Variants in YTHDF3 observed in about 807,000 individuals in gnomAD.
YTHDF3 encodes the protein YTH domain-containing family protein 3.
Under a neutral mutation model 52.5 loss-of-function variants are expected in YTHDF3, and 9 were observed. The ratio of observed to expected loss-of-function variants is 0.17; its 90% CI spans 0.10 to 0.30. YTHDF3 has a LOEUF of 0.30. Among genes scored for constraint, YTHDF3 ranks in the 10% least tolerant of loss-of-function variants. The pLI is 1.00. For missense variants in YTHDF3, 534 were observed against 715.0 expected, an observed-to-expected ratio of 0.75 and a Z score of 2.89; for synonymous variants, 274 against 243.3, an observed-to-expected ratio of 1.13 and a Z score of -1.18.
At chr8:63,184,844 C>T (rs761325928) in intron 3 of YTHDF3, among the ~76,000 whole-genome samples, 14 of 152,118 alleles carry the variant, frequency 9.2e-5, no homozygotes, top group Admixed American at 1.3e-4. Flanking sequence ...AAGCTCTGTG[C>T]GGTGCTTTAA....
At chr8:63,192,075 C>T (rs913326081) in intron 4 of YTHDF3, among the ~76,000 whole-genome samples, 1 of 152,186 alleles carries the variant, frequency 6.6e-6, no homozygotes, top group Non-Finnish European at 1.5e-5. Flanking sequence ...TGTAACCACC[C>T]TATCAGTTAG....
intron 2 of YTHDF3, among the ~76,000 whole-genome samples, chr8:63,171,704 A>G (rs904725327): frequency 1.3e-5 from 2 of 152,146 alleles, no homozygotes; most frequent in African/African-American, 2.4e-5. Flanking sequence ...TACTTTCATG[A>G]AGTTATTTTT....
Position 63,210,856 on chromosome 8 carries a change from T to C in YTHDF3, c.*1150T>C, listed in dbSNP as rs756932072. On this transcript the variant is annotated 3_prime_UTR_variant, in exon 5 of 5. Transcript: ENST00000539294. ...TCTTATTTTTTTCATTAATTACATA[T>C]CAACATTAATTTTGTATCTTGAAGC... The C allele has an allele frequency of 6.6e-6, 1 of 152,594 alleles. No individual in the cohort carries two copies. The highest frequency in any genetic ancestry group is 1.5e-5 in the Non-Finnish European group (1 of 67,976). 9.5% of individuals were successfully genotyped at this position (152,594 alleles called of 1,614,324 possible). A position where few individuals can be genotyped will look rare whatever the true frequency, so the allele number is the denominator to read the frequency against.
chr8:63,182,971 C>G (rs201691692), intron 3 of YTHDF3, among the ~76,000 whole-genome samples: 25 of 94,286 alleles, frequency 2.7e-4, no homozygotes, highest in Middle Eastern at 7.1e-3. Flanking sequence ...TTTTTTTTTT[C>G]TTTTTTGAGA....
At chr8:63,173,202 T>TTTTA (rs1554533374) in intron 2 of YTHDF3, among the ~76,000 whole-genome samples, 2 of 125,882 alleles carry the variant, frequency 1.6e-5, no homozygotes, top group African/African-American at 8.1e-5. Flanking sequence ...AGGATTATAT[T>TTTTA]TATATATATA....
intron 4 of YTHDF3, among the ~76,000 whole-genome samples, chr8:63,199,229 T>C (rs1198483090): frequency 6.6e-6 from 1 of 152,220 alleles, no homozygotes; most frequent in East Asian, 1.9e-4. Context: ...ACTTCTTCCA[T>C]ACTATAATTG....
intron 4 of YTHDF3, among the ~76,000 whole-genome samples, chr8:63,196,534 C>T (rs1809251302): frequency 6.6e-6 from 1 of 150,846 alleles, no homozygotes; most frequent in African/African-American, 2.4e-5. Flanking sequence ...TGCACTCCAT[C>T]CTGGGCGACA....
At chr8:63,205,060 TC>T (rs1295525515) in intron 4 of YTHDF3, among the ~76,000 whole-genome samples, 7 of 152,122 alleles carry the variant, frequency 4.6e-5, no homozygotes, top group Admixed American at 3.9e-4. Context: ...GCAGTAAACT[TC>T]CTTCTGGGCT....
chr8:63,180,741 G>A (rs1270126392), intron 3 of YTHDF3, among the ~76,000 whole-genome samples: 1 of 152,262 alleles, frequency 6.6e-6, no homozygotes, highest in Non-Finnish European at 1.5e-5. Flanking sequence ...GGAGGCCGAG[G>A]CTGGCGGATC....
chr8:63,188,323 A>G (rs1808663750), intron 4 of YTHDF3, among the ~76,000 whole-genome samples: 1 of 151,324 alleles, frequency 6.6e-6, no homozygotes, highest in African/African-American at 2.4e-5. Flanking sequence ...ATTTATTTAT[A>G]TTTTATATAT....
Position 63,209,667 on chromosome 8 carries a change from G to GTGT in YTHDF3, c.1735-15_1735-14insGTT. ...ATTGTAATTCTTTTTGTGTGTGTGTGTTTTTTTTTTTTCAGGAGAGAAATA... is the reference window on the plus strand; with the variant it reads ...ATTGTAATTCTTTTTGTGTGTGTGTGTGTTTTTTTTTTTTTCAGGAGAGAAATA... On this transcript the variant is annotated splice_polypyrimidine_tract_variant and intron_variant, in intron 4 of 4. Transcript: ENST00000539294. 4.8e-6 allele frequency: 6 copies of GTGT among 1,249,770 alleles called. No individual in the cohort carries two copies. Among genetic ancestry groups the GTGT allele is most frequent in the South Asian group, 2.9e-5 (2 of 68,010 alleles). 77.4% of individuals were successfully genotyped at this position (1,249,770 alleles called of 1,614,324 possible).
chr8:63,185,657 TA>T (rs1273038747), intron 3 of YTHDF3, among the ~76,000 whole-genome samples: 1 of 152,228 alleles, frequency 6.6e-6, no homozygotes, highest in Non-Finnish European at 1.5e-5. Flanking sequence ...GTACAAAATC[TA>T]ATGGTTGAAC....
At chr8:63,182,228 T>C (rs1042608189) in intron 3 of YTHDF3, among the ~76,000 whole-genome samples, 12 of 146,646 alleles carry the variant, frequency 8.2e-5, no homozygotes, top group African/African-American at 3.0e-4. Flanking sequence ...CCACCATGCC[T>C]GGCTAATTTT....
chr8:63,176,381 A>G (rs1788408790), intron 3 of YTHDF3, among the ~76,000 whole-genome samples: 1 of 152,070 alleles, frequency 6.6e-6, no homozygotes, highest in Non-Finnish European at 1.5e-5. Context: ...TCCCGGGTTC[A>G]CGCCATTCTC....
rs1810357168 is a variant in YTHDF3 at position 63,211,276 on chromosome 8, GGTAGTCCCAGT to G, written c.*1576_*1586del. On this transcript the variant is annotated 3_prime_UTR_variant, in exon 5 of 5. Transcript: ENST00000539294. ...AACCATAGCTACTACACAGTTCTTC[GGTAGTCCCAGT>G]GTAGTTATATCAGTGTTTACTGAAG... The G allele has an allele frequency of 6.6e-6, 1 of 152,168 alleles. No individual in the cohort carries two copies. The allele number at this position is 152,168 out of a possible 1,614,324, so 9.4% of individuals were successfully genotyped here.
At position 63,210,895 on chromosome 8, in the gene YTHDF3, A is replaced by G. The variant is rs1585797520; in HGVS notation, c.*1189A>G. 6.6e-6 allele frequency: 1 copy of G among 152,598 alleles called. No homozygotes were observed. The highest frequency in any genetic ancestry group is 2.4e-5 in the African/African-American group (1 of 41,462). The allele number at this position is 152,598 out of a possible 1,614,324, so 9.5% of individuals were successfully genotyped here. A position where few individuals can be genotyped will look rare whatever the true frequency, so the allele number is the denominator to read the frequency against. ...GTATCTTGAAGCAAATTGATTTTGT[A>G]TAATTAAATGTGTCAAGCATCTGTA... On this transcript the variant is annotated 3_prime_UTR_variant, in exon 5 of 5. Coordinates refer to ENST00000539294, the MANE Select transcript of YTHDF3 (RefSeq NM_152758.6).
chr8:63,200,725 T>A (rs1809573186), intron 4 of YTHDF3, among the ~76,000 whole-genome samples: 1 of 152,182 alleles, frequency 6.6e-6, no homozygotes, highest in Non-Finnish European at 1.5e-5. Flanking sequence ...ACTGAAAAAT[T>A]AGATTAAAGC....
In YTHDF3 at chr8:63,187,647, G is replaced by A; in HGVS notation, c.1636G>A (p.Val546Met). 6.2e-7 allele frequency: 1 copy of A among 1,611,174 alleles called. No homozygotes were observed. Among genetic ancestry groups the A allele is most frequent in the Non-Finnish European group, 8.5e-7 (1 of 1,178,338 alleles). ...GGTACCCCTAGAAAAAGCTAAGCAA[G>A]TGCTTAAAATAATTGCTACTTTCAA... ...QEVPLEKAKQ[V>M]LKIIATFKHT... The change falls in exon 4 of 5, where the codon GTG becomes ATG. Residue 546 changes from valine (V) to methionine (M), a missense_variant. By Grantham distance (21) the Val-to-Met change is conservative. Coordinates refer to ENST00000539294, the MANE Select transcript of YTHDF3 (RefSeq NM_152758.6).
chr8:63,191,055 G>T lies in YTHDF3; in HGVS notation c.1734+3310G>T, dbSNP rs1013385540. Reference sequence around the variant, plus strand: ...CTAGTCAACAGCCTTTTCACTTAAAGTACTATGTATAAGCCTTGCTTTACA... The same window carrying T: ...CTAGTCAACAGCCTTTTCACTTAAATTACTATGTATAAGCCTTGCTTTACA... On this transcript the variant is annotated intron_variant, in intron 4 of 4. Coordinates refer to ENST00000539294, the MANE Select transcript of YTHDF3 (RefSeq NM_152758.6). 5.3e-5 allele frequency among the ~76,000 whole-genome samples: 8 copies of T among 152,164 alleles called. No homozygotes were observed. The South Asian group carries it at 6.2e-4, about 12-fold the overall frequency.
Sources: allele counts gnomAD v4.1 joint callset (sites outside exome capture counted in the v4.1 genomes callset), GRCh38; gene constraint gnomAD v4.1.1; transcripts MANE v1.5; gene names NCBI Gene and HGNC (gene_info 2026-07-23, HGNC 2026-07-21).